Variants in DNER observed in about 807,000 individuals in gnomAD.
The protein encoded by DNER is delta/notch like EGF repeat containing.
DNER carries 33 observed loss-of-function variants against 78.2 expected under a neutral mutation model. The ratio of observed to expected loss-of-function variants is 0.42; its 90% CI spans 0.32 to 0.56. The LOEUF is 0.56. DNER is among the 20% of genes least tolerant of loss of function. DNER has a pLI of 0.11. For missense variants in DNER, 918 were observed against 975.3 expected (o/e 0.94, Z 0.78); for synonymous variants, 417 against 384.8 (o/e 1.08, Z -0.98).
intron 6 of DNER, among the ~76,000 whole-genome samples, chr2:229,498,321 A>G (rs921104300): frequency 9.8e-5 from 15 of 152,342 alleles, no homozygotes; most frequent in Admixed American, 3.9e-4. Context: ...AGCTAACATC[A>G]TACTCAGTAG....
At chr2:229,516,816 A>G (rs1695984363) in intron 5 of DNER, among the ~76,000 whole-genome samples, 1 of 150,238 alleles carries the variant, frequency 6.7e-6, no homozygotes, top group South Asian at 2.1e-4. Flanking sequence ...AAAAGAAAAG[A>G]AAAGAAAAAG....
At chr2:229,519,994 G>T (rs1018913653) in intron 5 of DNER, among the ~76,000 whole-genome samples, 1 of 152,162 alleles carries the variant, frequency 6.6e-6, no homozygotes, top group African/African-American at 2.4e-5. Context: ...GTGGCTGAAA[G>T]TACCTCTTAT....
intron 1 of DNER, among the ~76,000 whole-genome samples, chr2:229,686,563 G>C (rs974577027): frequency 6.6e-6 from 1 of 151,794 alleles, no homozygotes; most frequent in Non-Finnish European, 1.5e-5. Flanking sequence ...CCTCCCTCAG[G>C]GTGGCTCAGA....
intron 1 of DNER, among the ~76,000 whole-genome samples, chr2:229,635,865 T>G (rs926532494): frequency 2.0e-5 from 3 of 152,160 alleles, no homozygotes; most frequent in Non-Finnish European, 4.4e-5. Context: ...CACTGTTCTG[T>G]GCATGTTATA....
intron 3 of DNER, 54 bp from the exon 4 acceptor site, chr2:229,586,078 G>C: frequency 6.5e-7 from 1 of 1,541,512 alleles, no homozygotes; most frequent in South Asian, 1.2e-5. Flanking sequence ...ATTCATCTTA[G>C]AACCAGTTCT....
intron 10 of DNER, among the ~76,000 whole-genome samples, chr2:229,405,252 G>A (rs1004439758): frequency 4.6e-5 from 7 of 152,184 alleles, no homozygotes; most frequent in African/African-American, 1.4e-4. Context: ...ACAATTCTCA[G>A]TATTTGTGTC....
chr2:229,700,336 CAT>C (rs1699725885), intron 1 of DNER, among the ~76,000 whole-genome samples: 1 of 103,012 alleles, frequency 9.7e-6, no homozygotes. Flanking sequence ...GTCAGTGCAA[CAT>C]TTTTTTTTTT....
intron 1 of DNER, among the ~76,000 whole-genome samples, chr2:229,629,816 T>C (rs1287446000): frequency 1.3e-5 from 2 of 152,226 alleles, no homozygotes; most frequent in African/African-American, 4.8e-5. Context: ...GGTGACTTTA[T>C]CTTTGATAGA....
At chr2:229,566,227 G>A (rs569447645) in intron 4 of DNER, among the ~76,000 whole-genome samples, 5 of 152,268 alleles carry the variant, frequency 3.3e-5, no homozygotes, top group African/African-American at 1.2e-4. Flanking sequence ...TGCAAGCATT[G>A]TGAACATGAT....
At chr2:229,625,830 G>A (rs1232332604) in intron 1 of DNER, among the ~76,000 whole-genome samples, 1 of 152,110 alleles carries the variant, frequency 6.6e-6, no homozygotes, top group Admixed American at 6.5e-5. Context: ...TGGAGGGAGA[G>A]TTGAAAGAGT....
At chr2:229,536,695 T>C (rs549793839) in intron 5 of DNER, among the ~76,000 whole-genome samples, 6 of 152,356 alleles carry the variant, frequency 3.9e-5, no homozygotes, top group Admixed American at 2.0e-4. Flanking sequence ...CCTATTTCTA[T>C]ATGTTAAACA....
intron 5 of DNER, among the ~76,000 whole-genome samples, chr2:229,531,344 T>C (rs1030321499): frequency 2.0e-5 from 3 of 152,214 alleles, no homozygotes; most frequent in African/African-American, 7.2e-5. Flanking sequence ...GGAATTCAGT[T>C]TTGTTGGGGA....
Position 229,714,382 on chromosome 2 carries a change from C to T in DNER, c.42G>A (p.Leu14=). 8.3e-7 allele frequency: 1 copy of T among 1,206,750 alleles called. No individual in the cohort carries two copies. Among genetic ancestry groups the T allele is most frequent in the Non-Finnish European group, 1.0e-6 (1 of 974,974 alleles). 74.8% of individuals were successfully genotyped at this position (1,206,750 alleles called of 1,614,324 possible). A position where few individuals can be genotyped will look rare whatever the true frequency, so the allele number is the denominator to read the frequency against. The part of the protein sequence containing the change: ...RRAQAPGAQL[L]PALALLLLLL... The stretch of plus-strand genomic sequence containing the variant: ...GCAGCAGCAGCAGGGCCAGCGCGGG[C>T]AGCAGCTGCGCACCGGGCGCCTGGG... Residue 14 remains leucine (L), a synonymous_variant, in exon 1 of 13, where the codon CTG becomes CTA. Coordinates refer to ENST00000341772, the MANE Select transcript of DNER (RefSeq NM_139072.4).
intron 8 of DNER, among the ~76,000 whole-genome samples, chr2:229,428,012 T>G (rs1574838885): frequency 6.7e-6 from 1 of 148,628 alleles, no homozygotes; most frequent in African/African-American, 2.5e-5. Flanking sequence ...GAGGCAGAGG[T>G]TGCAGTGAGC....
At chr2:229,710,884 C>T (rs541149238) in intron 1 of DNER, among the ~76,000 whole-genome samples, 1 of 151,802 alleles carries the variant, frequency 6.6e-6, no homozygotes, top group Admixed American at 6.6e-5. Flanking sequence ...TAATTTAATC[C>T]TTCCCAGAAC....
At position 229,468,426 on chromosome 2, in the gene DNER, T is replaced by C. The variant is rs185461471; in HGVS notation, c.1261+8714A>G. On this transcript the variant is annotated intron_variant, in intron 7 of 12. Transcript: ENST00000341772. ...AAACCTAACATCAGTGCTTGAGATA[T>C]TCTGCAGCCCCTACACTCGATGGAT... Among the ~76,000 whole-genome samples the C allele has an allele frequency of 1.6e-4, 25 of 152,228 alleles. No individual in the cohort carries two copies. In the East Asian group the frequency reaches 4.5e-3, roughly 27 times the overall value.
chr2:229,514,187 A>G (rs1424067512), intron 5 of DNER, among the ~76,000 whole-genome samples: 1 of 152,214 alleles, frequency 6.6e-6, no homozygotes, highest in Non-Finnish European at 1.5e-5. Context: ...TACCAATGAT[A>G]CTTGCTAGTA....
intron 11 of DNER, among the ~76,000 whole-genome samples, chr2:229,377,116 C>T (rs1692622070): frequency 6.6e-6 from 1 of 152,112 alleles, no homozygotes; most frequent in Non-Finnish European, 1.5e-5. Flanking sequence ...TTACAAGCTC[C>T]CAAAGGCAGG....
intron 1 of DNER, among the ~76,000 whole-genome samples, chr2:229,634,419 C>A (rs1011808754): frequency 6.6e-6 from 1 of 152,040 alleles, no homozygotes; most frequent in Non-Finnish European, 1.5e-5. Flanking sequence ...TCTCACTTAA[C>A]AAATTTGAGG....
Sources: allele counts gnomAD v4.1 joint callset (sites outside exome capture counted in the v4.1 genomes callset), GRCh38; gene constraint gnomAD v4.1.1; transcripts MANE v1.5; gene names NCBI Gene and HGNC (gene_info 2026-07-23, HGNC 2026-07-21).